SEMA6A: variants seen among roughly 807,000 people sequenced by gnomAD.
SEMA6A encodes semaphorin-6A.
SEMA6A carries 25 observed loss-of-function variants against 96.8 expected under a neutral mutation model. The observed-to-expected ratio is 0.26, with a 90% CI of 0.19 to 0.36. The LOEUF is 0.36. SEMA6A is among the 10% of genes least tolerant of loss of function. The pLI is 1.00. For synonymous variants in SEMA6A, 612 were observed against 518.0 expected, an observed-to-expected ratio of 1.18 and a Z score of -2.46; for missense variants, 1,363 against 1,323.1, an observed-to-expected ratio of 1.03 and a Z score of -0.47.
chr5:116,498,056 C>G (rs977154422), intron 3 of SEMA6A, among the ~76,000 whole-genome samples: 1 of 152,136 alleles, frequency 6.6e-6, no homozygotes, highest in Admixed American at 6.5e-5. Flanking sequence ...GCCAATCTAG[C>G]CTTGGAAGGG....
intron 1 of SEMA6A, among the ~76,000 whole-genome samples, chr5:116,533,810 C>G (rs1759593913): frequency 6.6e-6 from 1 of 152,168 alleles, no homozygotes; most frequent in African/African-American, 2.4e-5. Context: ...CACCTTTCAT[C>G]CCTCACACCT....
chr5:116,531,930 G>A (rs540864828), intron 1 of SEMA6A, among the ~76,000 whole-genome samples: 11 of 152,202 alleles, frequency 7.2e-5, no homozygotes, highest in African/African-American at 2.2e-4. Context: ...CTTTAAAAGA[G>A]CCAACTGGAA....
intron 1 of SEMA6A, among the ~76,000 whole-genome samples, chr5:116,509,332 T>G (rs1275884284): frequency 6.6e-6 from 1 of 152,206 alleles, no homozygotes; most frequent in African/African-American, 2.4e-5. Context: ...GCAAAGTCAC[T>G]TACTACCATG....
Position 116,497,356 on chromosome 5 carries a change from A to G in SEMA6A, c.250T>C (p.Ser84Pro), listed in dbSNP as rs1156985058. 1.9e-6 allele frequency: 3 copies of G among 1,599,814 alleles called. No individual in the cohort carries two copies. The highest frequency in any genetic ancestry group is 2.6e-6 in the Non-Finnish European group (3 of 1,167,962). The change falls in exon 4 of 19, where the codon TCA becomes CCA. Residue 84 changes from serine to proline, a missense_variant. Around this residue, in one of 2 missense-constraint regions of SEMA6A, gnomAD observed 480 missense variants for 559.5 expected, o/e 0.86. Coordinates refer to ENST00000343348, the MANE Select transcript of SEMA6A (RefSeq NM_020796.5). ...DHIYTVDIDT[S>P]HTEEIYCSKK... ...CTACAATAAATTTCTTCCGTGTGTG[A>G]TGTGTCTATATCAACAGTATAAATA...
chr5:116,475,625 G>A (rs141731054), intron 15 of SEMA6A, 22 bp from the exon 16 acceptor site: 37,969 of 1,564,454 alleles, frequency 0.024, 592 homozygotes, highest in South Asian at 0.038. Context: ...GGAAGGGAAA[G>A]AGAGACAGAA....
chr5:116,541,029 T>G (rs1759939480), intron 1 of SEMA6A, among the ~76,000 whole-genome samples: 1 of 152,228 alleles, frequency 6.6e-6, no homozygotes, highest in Non-Finnish European at 1.5e-5. Context: ...GGGGATATTG[T>G]TCTGCCGCAC....
chr5:116,492,683 C>T (rs1236003123), intron 6 of SEMA6A, among the ~76,000 whole-genome samples: 1 of 152,180 alleles, frequency 6.6e-6, no homozygotes, highest in East Asian at 1.9e-4. Flanking sequence ...CTAACACATT[C>T]AGCTTACTTG....
rs763587821 is a variant in SEMA6A, at chr5:116,502,339, G to C, written c.101-12C>G. On this transcript the variant is annotated splice_polypyrimidine_tract_variant and intron_variant, in intron 2 of 18. Coordinates refer to ENST00000343348, the MANE Select transcript of SEMA6A (RefSeq NM_020796.5). ...ATACTGTTTTGTATCTGTGAAAAGA[G>C]GAGATGGGGCAAGAAAGGAAAAGCA... 1 of 1,610,560 alleles carries C rather than the reference G, an allele frequency of 6.2e-7. No individual in the cohort carries two copies. The highest frequency in any genetic ancestry group is 8.5e-7 in the Non-Finnish European group (1 of 1,176,942).
Position 116,542,005 on chromosome 5 carries a change from A to T in SEMA6A, c.-39+32180T>A, listed in dbSNP as rs193009189. Among the ~76,000 whole-genome samples, 52 of 152,330 alleles carry T rather than the reference A, an allele frequency of 3.4e-4. No homozygotes were observed. In the East Asian group the frequency reaches 9.7e-3, roughly 28 times the overall value. On this transcript the variant is annotated intron_variant, in intron 1 of 18. Transcript: ENST00000343348. ...GTCATATCTTGGCAAATACATTGGT[A>T]GTGCCCATTCATTTTCTTCTCCATG...
chr5:116,526,596 A>G (rs1020641481), intron 1 of SEMA6A, among the ~76,000 whole-genome samples: 6 of 152,226 alleles, frequency 3.9e-5, no homozygotes, highest in Non-Finnish European at 5.9e-5. Flanking sequence ...CATACGTCGT[A>G]TAAGAAAGAA....
intron 12 of SEMA6A, among the ~76,000 whole-genome samples, chr5:116,479,816 C>G (rs918732547): frequency 7.2e-5 from 11 of 152,204 alleles, no homozygotes; most frequent in African/African-American, 2.7e-4. Context: ...TTCACTGGTT[C>G]TCCTTCACTG....
At chr5:116,540,257 T>C (rs1463978428) in intron 1 of SEMA6A, among the ~76,000 whole-genome samples, 2 of 152,228 alleles carry the variant, frequency 1.3e-5, no homozygotes, top group African/African-American at 4.8e-5. Flanking sequence ...TGATTCACAA[T>C]CACTTCAAAT....
At chr5:116,447,908 G>C in intron 18 of SEMA6A, 97 bp from the exon 19 acceptor site, 1 of 975,814 alleles carries the variant, frequency 1.0e-6, no homozygotes, top group East Asian at 2.6e-5. Flanking sequence ...ACAGTAGTAA[G>C]TGACAACAGC....
intron 1 of SEMA6A, among the ~76,000 whole-genome samples, chr5:116,505,453 G>A (rs171699): frequency 0.065 from 5,300 of 81,216 alleles, 218 homozygotes; most frequent in African/African-American, 0.16. Flanking sequence ...ACAGACACAC[G>A]CACGCGCACA....
chr5:116,532,186 G>C (rs1366653942), intron 1 of SEMA6A, among the ~76,000 whole-genome samples: 1 of 152,138 alleles, frequency 6.6e-6, no homozygotes. Context: ...CCAACCTCCT[G>C]AGTCAACACC....
At chr5:116,483,727 A>T (rs150438026) in intron 10 of SEMA6A, among the ~76,000 whole-genome samples, 1 of 152,220 alleles carries the variant, frequency 6.6e-6, no homozygotes, top group Non-Finnish European at 1.5e-5. Flanking sequence ...AAATGCTTAT[A>T]AATTTATACA....
At chr5:116,518,604 T>G (rs1758777442) in intron 1 of SEMA6A, among the ~76,000 whole-genome samples, 1 of 152,208 alleles carries the variant, frequency 6.6e-6, no homozygotes, top group Non-Finnish European at 1.5e-5. Flanking sequence ...AAAGTGAGTG[T>G]GAGACACACA....
At chr5:116,470,857 G>T (rs1338486969) in intron 17 of SEMA6A, among the ~76,000 whole-genome samples, 2 of 152,104 alleles carry the variant, frequency 1.3e-5, no homozygotes, top group African/African-American at 4.8e-5. Context: ...TTTGGAATTG[G>T]CTTTCTTGTC....
At chr5:116,519,860 C>T (rs1228286092) in intron 1 of SEMA6A, among the ~76,000 whole-genome samples, 1 of 152,178 alleles carries the variant, frequency 6.6e-6, no homozygotes, top group East Asian at 1.9e-4. Context: ...CTAACCTCAG[C>T]TCCTGCCTCA....
Sources: gnomAD v4.1 joint callset for allele counts (sites outside exome capture counted in the v4.1 genomes callset) on GRCh38, gnomAD v4.1.1 for gene constraint, gnomAD v4.1.1 regional missense constraint, MANE v1.5 for transcripts, NCBI Gene and HGNC (gene_info 2026-07-23, HGNC 2026-07-21) for gene names.